HTN1: variants seen among roughly 807,000 people sequenced by gnomAD.
HTN1 encodes histatin 1.
A neutral mutation model predicts 11.2 loss-of-function variants in HTN1; 18 were observed. The ratio of observed to expected loss-of-function variants is 1.61; its 90% CI spans 1.12 to 2.39. The LOEUF (loss-of-function observed/expected upper bound fraction) is 2.39, where lower values mean the gene tolerates loss of function less well. HTN1 is among the 30% of genes most tolerant of loss of function. The pLI, the probability that HTN1 is intolerant of heterozygous loss-of-function variation, is 0.00. For synonymous variants in HTN1, 21 were observed against 20.5 expected (o/e 1.02, Z -0.07); for missense variants, 80 against 67.2 (o/e 1.19, Z -0.67).
chr4:70,058,262 A>T (rs899981840), intron 5 of HTN1: 1 of 152,078 alleles, frequency 6.6e-6, no homozygotes, highest in African/African-American at 2.4e-5. Context: ...TCAGGGGAGG[A>T]TATATTTAAA....
chr4:70,057,850 A>T (rs1056984529), intron 5 of HTN1: 1 of 152,152 alleles, frequency 6.6e-6, no homozygotes, highest in African/African-American at 2.4e-5. Flanking sequence ...CACAACCACC[A>T]TCTGGGAACT....
At position 70,054,324 on chromosome 4, in the gene HTN1, C is replaced by A; in HGVS notation, c.54C>A (p.Ser18Arg). ...LVLALMISMI[S>R]ADSHEKRHHG... is the part of the protein sequence containing the mutation. ...TTCTCATTTTCTTTTTTTCCAAGAG[C>A]GCTGATTCACATGAAAAGGTAAGAC... The change falls in exon 3 of 6, where the codon AGC becomes AGA. Residue 18 changes from serine (S) to arginine (R), a missense_variant and splice_region_variant. By Grantham distance (110) the Ser-to-Arg change is moderately radical. Transcript: ENST00000246896. 1.3e-6 allele frequency: 2 copies of A among 1,498,160 alleles called. No homozygotes were observed. Among genetic ancestry groups the A allele is most frequent in the Non-Finnish European group, 1.8e-6 (2 of 1,102,404 alleles). The allele number at this position is 1,498,160 out of a possible 1,614,324, so 92.8% of individuals were successfully genotyped here.
intron 4 of HTN1, 106 bp from the exon 5 acceptor site, chr4:70,055,392 C>G: frequency 1.2e-6 from 1 of 800,860 alleles, no homozygotes; most frequent in South Asian, 1.5e-5. Flanking sequence ...AATACAAGGT[C>G]TTAACAACTT....
chr4:70,053,350 G>T (rs1725949043), intron 2 of HTN1, among the ~76,000 whole-genome samples: 1 of 152,094 alleles, frequency 6.6e-6, no homozygotes, highest in Admixed American at 6.6e-5. Context: ...ACAATTACTT[G>T]AATGTAAAAG....
At chr4:70,055,753 G>A (rs76383503) in intron 5 of HTN1, 151 bp downstream of exon 5, 12,031 of 530,620 alleles carry the variant, frequency 0.023, 197 homozygotes, top group Non-Finnish European at 0.031. Flanking sequence ...TTCTGAAGCT[G>A]TAGATATGTG....
chr4:70,051,599 T>C (rs1725895268), intron 1 of HTN1, among the ~76,000 whole-genome samples: 2 of 152,096 alleles, frequency 1.3e-5, no homozygotes, highest in South Asian at 4.1e-4. Context: ...TTTTGTATCA[T>C]AAAAAGAGTT....
Position 70,054,338 on chromosome 4 carries a change from A to C in HTN1, c.68A>C (p.Glu23Ala). 2.0e-6 allele frequency: 3 copies of C among 1,525,900 alleles called. No homozygotes were observed. Among genetic ancestry groups the C allele is most frequent in the South Asian group, 1.2e-5 (1 of 80,276 alleles). 94.5% of individuals were successfully genotyped at this position (1,525,900 alleles called of 1,614,324 possible). Residue 23 changes from glutamate to alanine, a missense_variant, in exon 3 of 6, where the codon GAA (glutamate) becomes GCA (alanine). By Grantham distance (107) the Glu-to-Ala change is moderately radical. Transcript: ENST00000246896. ...TTTTCCAAGAGCGCTGATTCACATGAAAAGGTAAGACATTTTCATTTACGG... is the reference window on the plus strand; with the variant it reads ...TTTTCCAAGAGCGCTGATTCACATGCAAAGGTAAGACATTTTCATTTACGG... ...MISMISADSH[E>A]KRHHGYRRKF... is the part of the protein sequence containing the mutation.
At position 70,054,405 on chromosome 4, in the gene HTN1, T is replaced by C; in HGVS notation, c.73-16T>C. On this transcript the variant is annotated splice_polypyrimidine_tract_variant and intron_variant, in intron 3 of 5. Coordinates refer to ENST00000246896, the MANE Select transcript of HTN1 (RefSeq NM_002159.4). ...AACATATATTGAATTTTTAATCTTT[T>C]CTTTTTATTTCATAGAGACATCATG... The C allele has an allele frequency of 6.6e-7, 1 of 1,521,538 alleles. No individual in the cohort carries two copies. Among genetic ancestry groups the C allele is most frequent in the South Asian group, 1.2e-5 (1 of 83,528 alleles). 94.3% of individuals were successfully genotyped at this position (1,521,538 alleles called of 1,614,324 possible). A position where few individuals can be genotyped will look rare whatever the true frequency, so the allele number is the denominator to read the frequency against.
chr4:70,051,696 T>A (rs6811085), intron 1 of HTN1, among the ~76,000 whole-genome samples: 146,608 of 152,172 alleles, frequency 0.96, 70,655 homozygotes, highest in South Asian at 0.99. Flanking sequence ...TTCCATTTAA[T>A]TGAGTGAAGC....
intron 1 of HTN1, chr4:70,052,793 T>TAA (rs35058239): frequency 4.5e-3 from 979 of 217,114 alleles, no homozygotes; most frequent in South Asian, 8.0e-3. Flanking sequence ...CATTCTCTAC[T>TAA]AAAAAAAAAA....
intron 5 of HTN1, 156 bp downstream of exon 5, chr4:70,055,758 T>C (rs2109730145): frequency 1.9e-6 from 1 of 518,100 alleles, no homozygotes; most frequent in East Asian, 3.4e-5. Flanking sequence ...AAGCTGTAGA[T>C]ATGTGGTGTT....
chr4:70,053,696 C>A lies in HTN1; in HGVS notation c.51+569C>A, dbSNP rs1296654918. Among the ~76,000 whole-genome samples, 8 of 152,020 alleles carry A rather than the reference C, an allele frequency of 5.3e-5. No homozygotes were observed. The East Asian group carries it at 1.2e-3, about 22-fold the overall frequency. Reference sequence around the variant, plus strand: ...GTGTATTAGTAGGAAAAGCACTTGACCTCTTTGGAGCTCTTTCTCCTTCTC... The same window carrying A: ...GTGTATTAGTAGGAAAAGCACTTGAACTCTTTGGAGCTCTTTCTCCTTCTC... On this transcript the variant is annotated intron_variant, in intron 2 of 5. Transcript: ENST00000246896.
intron 1 of HTN1, among the ~76,000 whole-genome samples, chr4:70,051,561 T>C (rs1252460055): frequency 1.3e-5 from 2 of 152,146 alleles, no homozygotes; most frequent in Admixed American, 1.3e-4. Flanking sequence ...GAATTGACAA[T>C]CATTAACAAC....
chr4:70,054,451 G>C lies in HTN1; in HGVS notation c.102+1G>C. 1 of 1,493,960 alleles carries C rather than the reference G, an allele frequency of 6.7e-7. No individual in the cohort carries two copies. Among genetic ancestry groups the C allele is most frequent in the East Asian group, 2.3e-5 (1 of 43,612 alleles). The allele number at this position is 1,493,960 out of a possible 1,614,324, so 92.5% of individuals were successfully genotyped here. On this transcript the variant is annotated splice_donor_variant, in intron 4 of 5. Coordinates refer to ENST00000246896, the MANE Select transcript of HTN1 (RefSeq NM_002159.4). LOFTEE classifies it high-confidence loss of function. Reference sequence around the variant, plus strand: ...TCATGGGTATAGAAGAAAATTCCATGTAAGTGTTCTTCTGATAATGTGCAC... The same window carrying C: ...TCATGGGTATAGAAGAAAATTCCATCTAAGTGTTCTTCTGATAATGTGCAC...
intron 2 of HTN1, 139 bp from the exon 3 acceptor site, chr4:70,054,183 A>G: frequency 1.9e-6 from 1 of 532,024 alleles, no homozygotes. Context: ...TAAAGCTAAA[A>G]TAACTAATTT....
rs530528482 is a variant in HTN1, at chr4:70,052,827, G to C, written c.-13-237G>C. On this transcript the variant is annotated intron_variant, in intron 1 of 5. Transcript: ENST00000246896. The stretch of plus-strand genomic sequence containing the variant: ...AAAAAAGAAAGAAAAAATTCGCTGG[G>C]CATGGTGGCACACACTTGTAGTTCC... 7 of 353,210 alleles carry C rather than the reference G, an allele frequency of 2.0e-5. No individual in the cohort carries two copies. In the South Asian group the frequency reaches 2.5e-4, roughly 12 times the overall value. 21.9% of individuals were successfully genotyped at this position (353,210 alleles called of 1,614,324 possible). A position where few individuals can be genotyped will look rare whatever the true frequency, so the allele number is the denominator to read the frequency against.
In HTN1 at chr4:70,054,295, TA is replaced by T. The variant is rs1450177764; in HGVS notation, c.52-26del. The T allele has an allele frequency of 4.5e-6, 6 of 1,326,608 alleles. No individual in the cohort carries two copies. In the African/African-American group the frequency reaches 9.1e-5, roughly 20 times the overall value. 82.2% of individuals were successfully genotyped at this position (1,326,608 alleles called of 1,614,324 possible). A position where few individuals can be genotyped will look rare whatever the true frequency, so the allele number is the denominator to read the frequency against. On this transcript the variant is annotated intron_variant, in intron 2 of 5. Transcript: ENST00000246896. ...TGAATTATAAAATTAAAATATTAAT[TA>T]TTTTCTCATTTTCTTTTTTTCCAAG...
At chr4:70,057,695 G>A (rs1368141164) in intron 5 of HTN1, 1 of 151,980 alleles carries the variant, frequency 6.6e-6, no homozygotes, top group Non-Finnish European at 1.5e-5. Context: ...TTTTTATAGA[G>A]TTGGAAAGAC....
At chr4:70,054,208 C>A in intron 2 of HTN1, 114 bp from the exon 3 acceptor site, 1 of 642,860 alleles carries the variant, frequency 1.6e-6, no homozygotes, top group Non-Finnish European at 2.6e-6. Context: ...TGTCATCAAC[C>A]AAAGAATGCC....
Sources: allele counts gnomAD v4.1 joint callset (sites outside exome capture counted in the v4.1 genomes callset), GRCh38; gene constraint gnomAD v4.1.1; transcripts MANE v1.5; gene names NCBI Gene and HGNC (gene_info 2026-07-23, HGNC 2026-07-21).